TSEN15: variants seen among roughly 807,000 people sequenced by gnomAD.
TSEN15 encodes tRNA-splicing endonuclease subunit Sen15.
TSEN15 carries 10 observed loss-of-function variants against 20.5 expected under a neutral mutation model. The ratio of observed to expected loss-of-function variants is 0.49; its 90% CI spans 0.30 to 0.83. The LOEUF (loss-of-function observed/expected upper bound fraction) is 0.83, where lower values mean the gene tolerates loss of function less well. Ranked by LOEUF, TSEN15 falls within the 40% of genes least tolerant of loss-of-function variation. The pLI is 0.06. For synonymous variants in TSEN15, 72 were observed against 80.1 expected (o/e 0.90, Z 0.54); for missense variants, 180 against 218.6 (o/e 0.82, Z 1.11).
chr1:184,063,698 A>ATTACT lies in TSEN15; in HGVS notation c.354-8456_354-8455insCTTTA, dbSNP rs527665613. Among the ~76,000 whole-genome samples the ATTACT allele has an allele frequency of 3.1e-3, 469 of 152,282 alleles. 2 individuals are homozygous for ATTACT. The highest frequency in any genetic ancestry group is 7.3e-3 in the African/African-American group (305 of 41,570). ...TAATTTTTCTTTTTTAAAGGACATG[A>ATTACT]TTAAAGAACATTTTATTAGCTGTTT... On this transcript the variant is annotated intron_variant, in intron 3 of 4. Coordinates refer to ENST00000645668, the MANE Select transcript of TSEN15 (RefSeq NM_052965.4).
chr1:184,051,989 A>G, intron 1 of TSEN15, 99 bp downstream of exon 1: 2 of 1,220,548 alleles, frequency 1.6e-6, no homozygotes, highest in Non-Finnish European at 2.1e-6. Context: ...TGGGAGACTG[A>G]GGACGCGCGC....
intron 3 of TSEN15, among the ~76,000 whole-genome samples, chr1:184,088,202 G>A (rs1406860191): frequency 2.0e-5 from 3 of 152,126 alleles, no homozygotes; most frequent in African/African-American, 7.2e-5. Context: ...CAGCGAGGGA[G>A]GGGCCATGAG....
chr1:184,071,624 CAAG>C (rs1650886399), intron 3 of TSEN15, among the ~76,000 whole-genome samples: 1 of 151,068 alleles, frequency 6.6e-6, no homozygotes, highest in Non-Finnish European at 1.5e-5. Context: ...CTACGAAACT[CAAG>C]AAACTATAGT....
At chr1:184,085,596 T>C (rs145196212) in intron 3 of TSEN15, among the ~76,000 whole-genome samples, 1 of 152,184 alleles carries the variant, frequency 6.6e-6, no homozygotes, top group Non-Finnish European at 1.5e-5. Context: ...GCAGGTGACA[T>C]TTGAGCAGAG....
intron 3 of TSEN15, among the ~76,000 whole-genome samples, chr1:184,084,122 T>C (rs1047628977): frequency 1.3e-5 from 2 of 152,076 alleles, no homozygotes; most frequent in Non-Finnish European, 2.9e-5. Flanking sequence ...AAGGACAAAG[T>C]GTGTCCTTCC....
At chr1:184,066,342 A>C (rs77484867) in intron 3 of TSEN15, among the ~76,000 whole-genome samples, 25,519 of 151,212 alleles carry the variant, frequency 0.17, 2,206 homozygotes, top group Non-Finnish European at 0.19. Flanking sequence ...CTATTCATCT[A>C]TTCCTTAACC....
At chr1:184,063,334 A>G (rs1459508352) in intron 3 of TSEN15, among the ~76,000 whole-genome samples, 1 of 152,332 alleles carries the variant, frequency 6.6e-6, no homozygotes. Flanking sequence ...CTTAGCTACC[A>G]TGAAGCTAAA....
chr1:184,074,291 A>T (rs1188474659), downstream of TSEN15: 3 of 152,200 alleles, frequency 2.0e-5, no homozygotes, highest in Admixed American at 6.5e-5. Context: ...AACAGCACAC[A>T]TTTATTATCT....
chr1:184,067,055 A>C (rs1353099292), intron 3 of TSEN15, among the ~76,000 whole-genome samples: 1 of 152,150 alleles, frequency 6.6e-6, no homozygotes, highest in African/African-American at 2.4e-5. Flanking sequence ...TTTTAATTTC[A>C]AATTCCAATT....
Position 184,071,939 on chromosome 1 carries a change from T to TCTTTC in TSEN15, c.354-209_354-205dup, listed in dbSNP as rs968647969. 3 of 446,506 alleles carry TCTTTC rather than the reference T, an allele frequency of 6.7e-6. No individual in the cohort carries two copies. In the South Asian group the frequency reaches 1.8e-4, roughly 27 times the overall value. 27.7% of individuals were successfully genotyped at this position (446,506 alleles called of 1,614,324 possible). A position where few individuals can be genotyped will look rare whatever the true frequency, so the allele number is the denominator to read the frequency against. ...ACTGTCAACTATTTCTATACCATTC[T>TCTTTC]CTTTCCTTTCCTTCTGTGATTCCAA... On this transcript the variant is annotated intron_variant, in intron 3 of 4. Transcript: ENST00000645668.
At chr1:184,059,691 G>A (rs943505551) in intron 3 of TSEN15, among the ~76,000 whole-genome samples, 1 of 151,982 alleles carries the variant, frequency 6.6e-6, no homozygotes, top group Non-Finnish European at 1.5e-5. Flanking sequence ...CTGCTTCAGC[G>A]TTCTAAGTAG....
intron 3 of TSEN15, among the ~76,000 whole-genome samples, chr1:184,082,629 C>T (rs1340416264): frequency 1.3e-5 from 2 of 152,010 alleles, no homozygotes; most frequent in Non-Finnish European, 2.9e-5. Context: ...GGGCACGGAC[C>T]ACAGGTGTCT....
chr1:184,092,710 C>G (rs1651381841), intron 3 of TSEN15, among the ~76,000 whole-genome samples: 1 of 152,196 alleles, frequency 6.6e-6, no homozygotes, highest in African/African-American at 2.4e-5. Context: ...TCAGGCCAGC[C>G]CATGACTTTC....
chr1:184,066,312 C>T (rs906373626), intron 3 of TSEN15, among the ~76,000 whole-genome samples: 3 of 151,160 alleles, frequency 2.0e-5, no homozygotes, highest in Admixed American at 2.0e-4. Context: ...ATTCTGAGCT[C>T]TCTATTCTAT....
At chr1:184,069,017 C>T (rs6700096) in intron 3 of TSEN15, among the ~76,000 whole-genome samples, 104,672 of 151,496 alleles carry the variant, frequency 0.69, 36,668 homozygotes, top group African/African-American at 0.81. Flanking sequence ...GTATCTGTTT[C>T]AGAATCATTA....
At chr1:184,062,116 G>A (rs1274030943) in intron 3 of TSEN15, among the ~76,000 whole-genome samples, 1 of 152,062 alleles carries the variant, frequency 6.6e-6, no homozygotes, top group African/African-American at 2.4e-5. Flanking sequence ...TATCTAGTGG[G>A]AAAATTTTGC....
intron 3 of TSEN15, among the ~76,000 whole-genome samples, chr1:184,069,874 A>G (rs530330087): frequency 1.3e-5 from 2 of 152,148 alleles, no homozygotes; most frequent in South Asian, 4.1e-4. Flanking sequence ...TAACAGAGGC[A>G]GATAAACTAT....
Position 184,093,089 on chromosome 1 carries a change from A to G in TSEN15, c.354-2601A>G, listed in dbSNP as rs980301590. Among the ~76,000 whole-genome samples, 174 of 152,278 alleles carry G rather than the reference A, an allele frequency of 1.1e-3. 3 individuals are homozygous for G. The highest frequency in any genetic ancestry group is 3.4e-3 in the Middle Eastern group (1 of 294). ...ATGAACAGGACTGGAATAAGATAAA[A>G]TTTTCTTTCCGATCAATTCTGTTAC... On this transcript the variant is annotated intron_variant, in intron 3 of 3. Transcript: ENST00000643231.
downstream of TSEN15, among the ~76,000 whole-genome samples, chr1:184,074,826 T>C (rs1651025480): frequency 6.6e-6 from 1 of 152,072 alleles, no homozygotes; most frequent in Non-Finnish European, 1.5e-5. Context: ...ACTTTTATTC[T>C]TGGTGGGAGG....
Sources: gnomAD v4.1 joint callset for allele counts (sites outside exome capture counted in the v4.1 genomes callset) on GRCh38, gnomAD v4.1.1 for gene constraint, MANE v1.5 for transcripts, NCBI Gene and HGNC (gene_info 2026-07-23, HGNC 2026-07-21) for gene names.